ABTB3: variants seen among roughly 807,000 people sequenced by gnomAD.
ABTB3 encodes ankyrin repeat and BTB domain containing 3, also known as ankyrin repeat- and BTB/POZ domain-containing protein 3.
chr12:107,630,332 G>A, the ABTB3 span, among the ~76,000 whole-genome samples: 3 of 152,158 alleles, frequency 2.0e-5, no homozygotes, highest in Non-Finnish European at 4.4e-5. Flanking sequence ...TAGTGAGTGG[G>A]GAAACATTCC....
At chr12:107,513,200 C>A in the ABTB3 span, among the ~76,000 whole-genome samples, 3 of 152,208 alleles carry the variant, frequency 2.0e-5, no homozygotes, top group Non-Finnish European at 4.4e-5. Context: ...TTCATCACTA[C>A]CACCATTATC....
the ABTB3 span, among the ~76,000 whole-genome samples, chr12:107,543,206 G>A: frequency 6.6e-6 from 1 of 151,876 alleles, no homozygotes; most frequent in Non-Finnish European, 1.5e-5. Flanking sequence ...TGTGGTGGCA[G>A]GCACCTGTAG....
the ABTB3 span, among the ~76,000 whole-genome samples, chr12:107,586,142 G>C: frequency 0.32 from 48,962 of 152,066 alleles, 9,084 homozygotes; most frequent in African/African-American, 0.52. Context: ...TCCTCAGGAC[G>C]TTGCAGGGGC....
the ABTB3 span, among the ~76,000 whole-genome samples, chr12:107,324,024 A>C: frequency 6.6e-6 from 1 of 152,128 alleles, no homozygotes; most frequent in African/African-American, 2.4e-5. Context: ...ATGCGACCCA[A>C]CCTCTCTGTC....
the ABTB3 span, among the ~76,000 whole-genome samples, chr12:107,512,211 T>C: frequency 6.6e-6 from 1 of 152,200 alleles, no homozygotes; most frequent in South Asian, 2.1e-4. Context: ...ATTTCACTGT[T>C]TGTGCTTAAT....
the ABTB3 span, among the ~76,000 whole-genome samples, chr12:107,616,101 G>A: frequency 2.0e-5 from 3 of 152,164 alleles, no homozygotes; most frequent in African/African-American, 7.2e-5. Flanking sequence ...GCTGGCTTCT[G>A]CCTATAGAAC....
chr12:107,542,473 T>TA, the ABTB3 span, among the ~76,000 whole-genome samples: 1 of 152,178 alleles, frequency 6.6e-6, no homozygotes, highest in Non-Finnish European at 1.5e-5. Context: ...GAATCTTAAT[T>TA]ACTTTAAAAA....
At chr12:107,354,164 A>G in the ABTB3 span, among the ~76,000 whole-genome samples, 2 of 152,000 alleles carry the variant, frequency 1.3e-5, no homozygotes, top group African/African-American at 4.8e-5. Flanking sequence ...TGAGAGCTAA[A>G]CCCTCTTACA....
the ABTB3 span, among the ~76,000 whole-genome samples, chr12:107,387,972 C>CTTTTTTTT: frequency 6.7e-5 from 8 of 120,204 alleles, no homozygotes; most frequent in Admixed American, 9.1e-5. Context: ...TCTTCTTCTT[C>CTTTTTTTT]TTTTTTTTTT....
the ABTB3 span, among the ~76,000 whole-genome samples, chr12:107,596,889 A>C: frequency 6.6e-6 from 1 of 152,196 alleles, no homozygotes; most frequent in African/African-American, 2.4e-5. Context: ...TTGCTTTTAA[A>C]TAAAAGCAGA....
chr12:107,422,266 G>A, the ABTB3 span, among the ~76,000 whole-genome samples: 2 of 152,172 alleles, frequency 1.3e-5, no homozygotes, highest in South Asian at 2.1e-4. Context: ...AGGGCTGAGT[G>A]AGCGAGGACA....
the ABTB3 span, among the ~76,000 whole-genome samples, chr12:107,617,940 C>T: frequency 1.3e-5 from 2 of 152,030 alleles, no homozygotes; most frequent in Non-Finnish European, 2.9e-5. Flanking sequence ...CACTTAGCTC[C>T]AAGTTGCCTC....
chr12:107,529,863 T>C, the ABTB3 span, among the ~76,000 whole-genome samples: 1 of 152,226 alleles, frequency 6.6e-6, no homozygotes, highest in African/African-American at 2.4e-5. Context: ...GCATGGTCTC[T>C]GCTTTTGAAA....
At chr12:107,444,726 T>C in the ABTB3 span, among the ~76,000 whole-genome samples, 1 of 152,062 alleles carries the variant, frequency 6.6e-6, no homozygotes. Context: ...GGCAAATGAA[T>C]AAACTTCAAA....
chr12:107,432,429 C>T, the ABTB3 span, among the ~76,000 whole-genome samples: 5 of 152,234 alleles, frequency 3.3e-5, no homozygotes, highest in Admixed American at 6.5e-5. Flanking sequence ...ACCAACCTCC[C>T]TTCTCTACCT....
chr12:107,556,773 G>A, the ABTB3 span, among the ~76,000 whole-genome samples: 1 of 152,090 alleles, frequency 6.6e-6, no homozygotes, highest in Non-Finnish European at 1.5e-5. Flanking sequence ...CAATTTGGGA[G>A]GCTAAGGTGG....
the ABTB3 span, among the ~76,000 whole-genome samples, chr12:107,635,858 C>G: frequency 3.7e-3 from 318 of 86,520 alleles, 10 homozygotes; most frequent in East Asian, 0.064. Flanking sequence ...CAACCCCCCC[C>G]CCCCCACCCA....
the ABTB3 span, among the ~76,000 whole-genome samples, chr12:107,599,601 G>A: frequency 1.4e-4 from 22 of 151,978 alleles, no homozygotes; most frequent in African/African-American, 4.6e-4. Flanking sequence ...ATTTCTCCCC[G>A]CTAGGTACCT....
At chr12:107,602,569 T>C in the ABTB3 span, among the ~76,000 whole-genome samples, 3 of 152,238 alleles carry the variant, frequency 2.0e-5, no homozygotes, top group Non-Finnish European at 4.4e-5. Context: ...CTAAGTTCAG[T>C]GTACAGATGA....
Sources: allele counts gnomAD v4.1 joint callset (sites outside exome capture counted in the v4.1 genomes callset), GRCh38; gene constraint gnomAD v4.1.1; transcripts MANE v1.5; gene names NCBI Gene and HGNC (gene_info 2026-07-23, HGNC 2026-07-21).